ZNG1A: variants seen among roughly 807,000 people sequenced by gnomAD.
ZNG1A encodes the protein Zn regulated GTPase metalloprotein activator 1A.
At chr9:176,290 G>GA in the ZNG1A span, among the ~76,000 whole-genome samples, 86 of 138,050 alleles carry the variant, frequency 6.2e-4, no homozygotes, top group African/African-American at 2.2e-3. Flanking sequence ...ATCTCCAGTA[G>GA]AAAAAAAATA....
the ZNG1A span, among the ~76,000 whole-genome samples, chr9:157,339 A>G: frequency 1.4e-5 from 2 of 142,154 alleles, no homozygotes; most frequent in South Asian, 2.3e-4. Context: ...CGTCATCAAC[A>G]TCACAAGCTT....
the ZNG1A span, among the ~76,000 whole-genome samples, chr9:127,052 T>G: frequency 6.6e-6 from 1 of 152,310 alleles, no homozygotes; most frequent in East Asian, 1.9e-4. Context: ...GTGCTTGATA[T>G]AATTTTAATT....
At chr9:122,015 T>C in the ZNG1A span, 2 of 1,611,200 alleles carry the variant, frequency 1.2e-6, no homozygotes, top group South Asian at 2.2e-5. Flanking sequence ...CTCACTGGAG[T>C]CTCCTCCAGA....
At chr9:140,953 G>A in the ZNG1A span, among the ~76,000 whole-genome samples, 1 of 139,792 alleles carries the variant, frequency 7.2e-6, no homozygotes, top group Non-Finnish European at 1.5e-5. Context: ...GATGGAAGAT[G>A]AAATGAATGA....
chr9:178,312 T>A, the ZNG1A span, among the ~76,000 whole-genome samples: 2 of 151,940 alleles, frequency 1.3e-5, no homozygotes, highest in African/African-American at 4.8e-5. Flanking sequence ...AAAAAGTGTT[T>A]AAGATAGGAG....
chr9:159,366 C>T, the ZNG1A span, among the ~76,000 whole-genome samples: 1 of 149,594 alleles, frequency 6.7e-6, no homozygotes, highest in Non-Finnish European at 1.5e-5. Flanking sequence ...GAGCTAATTA[C>T]AGCATGATGA....
chr9:145,199 A>G, the ZNG1A span, among the ~76,000 whole-genome samples: 1 of 151,928 alleles, frequency 6.6e-6, no homozygotes, highest in Non-Finnish European at 1.5e-5. Flanking sequence ...ATTACTGGGT[A>G]TATACCCTAA....
chr9:173,566 C>T, the ZNG1A span, among the ~76,000 whole-genome samples: 157 of 152,254 alleles, frequency 1.0e-3, 1 homozygote, highest in African/African-American at 3.6e-3. Context: ...ATGACTTAAG[C>T]CCTGAAAAAG....
At chr9:160,234 G>A in the ZNG1A span, 1 of 453,738 alleles carries the variant, frequency 2.2e-6, no homozygotes, top group Non-Finnish European at 4.4e-6. Flanking sequence ...TTTCAGTTTG[G>A]CTGGCTGGCC....
chr9:129,269 T>A, the ZNG1A span, among the ~76,000 whole-genome samples: 1 of 152,118 alleles, frequency 6.6e-6, no homozygotes, highest in African/African-American at 2.4e-5. Flanking sequence ...TAATCTCCAC[T>A]GTTACTAGTA....
chr9:145,828 G>C, the ZNG1A span, among the ~76,000 whole-genome samples: 2 of 151,858 alleles, frequency 1.3e-5, no homozygotes, highest in African/African-American at 2.4e-5. Context: ...CTCATAGAAA[G>C]AGTATTAGAC....
At chr9:153,228 G>C in the ZNG1A span, 3 of 151,758 alleles carry the variant, frequency 2.0e-5, no homozygotes, top group Non-Finnish European at 4.4e-5. Flanking sequence ...CAATCACAAT[G>C]GTGCACAAGA....
At chr9:144,316 CA>C in the ZNG1A span, among the ~76,000 whole-genome samples, 1 of 142,382 alleles carries the variant, frequency 7.0e-6, no homozygotes, top group Non-Finnish European at 1.5e-5. Flanking sequence ...CTACAGTAAC[CA>C]AAACAGCATG....
the ZNG1A span, chr9:172,208 C>T: frequency 6.2e-7 from 1 of 1,607,114 alleles, no homozygotes; most frequent in Non-Finnish European, 8.5e-7. Context: ...CAGTTAATTA[C>T]CTAAATATTT....
the ZNG1A span, among the ~76,000 whole-genome samples, chr9:155,892 T>C: frequency 7.0e-6 from 1 of 143,226 alleles, no homozygotes; most frequent in South Asian, 2.3e-4. Context: ...ATCGAGCTGG[T>C]CTCAGGAGCT....
chr9:172,600 T>C, the ZNG1A span: 1 of 157,422 alleles, frequency 6.4e-6, no homozygotes, highest in East Asian at 1.9e-4. Flanking sequence ...TTTCCTTTTT[T>C]CTTATTTTAT....
chr9:147,188 A>AG, the ZNG1A span: 2 of 143,952 alleles, frequency 1.4e-5, no homozygotes, highest in African/African-American at 5.4e-5. Context: ...AAGAAAAAAA[A>AG]AAAAAAAAAG....
At chr9:137,548 G>T in the ZNG1A span, among the ~76,000 whole-genome samples, 1 of 152,126 alleles carries the variant, frequency 6.6e-6, no homozygotes, top group Non-Finnish European at 1.5e-5. Context: ...TAGTGAAACA[G>T]CACTGATAGT....
At chr9:163,825 G>C in the ZNG1A span, among the ~76,000 whole-genome samples, 4 of 151,358 alleles carry the variant, frequency 2.6e-5, no homozygotes, top group African/African-American at 9.7e-5. Flanking sequence ...GCTGAGGCAA[G>C]AGAATCACTT....
Sources: gnomAD v4.1 joint callset for allele counts (sites outside exome capture counted in the v4.1 genomes callset) on GRCh38, gnomAD v4.1.1 for gene constraint, MANE v1.5 for transcripts, NCBI Gene and HGNC (gene_info 2026-07-23, HGNC 2026-07-21) for gene names.